The following SPOCK3 variants were observed in gnomAD, a reference collection of about 807,000 sequenced individuals.
The protein encoded by SPOCK3 is SPARC (osteonectin), cwcv and kazal like domains proteoglycan 3, also known as testican-3.
A neutral mutation model predicts 56.6 loss-of-function variants in SPOCK3; 30 were observed. The observed-to-expected ratio is 0.53, with a 90% CI of 0.40 to 0.72. SPOCK3 has a LOEUF of 0.72. Among genes scored for constraint, SPOCK3 ranks in the 30% least tolerant of loss-of-function variants. SPOCK3 has a pLI of 0.00. For missense variants in SPOCK3, 527 were observed against 530.0 expected (o/e 0.99, Z 0.06); for synonymous variants, 196 against 183.3 (o/e 1.07, Z -0.56).
chr4:167,139,236 C>T (rs1763343591), intron 2 of SPOCK3, among the ~76,000 whole-genome samples: 2 of 151,974 alleles, frequency 1.3e-5, no homozygotes, highest in South Asian at 4.1e-4. Flanking sequence ...TGATATATAA[C>T]TGCATCAAGC....
intron 4 of SPOCK3, 93 bp downstream of exon 4, chr4:167,000,256 A>C (rs567034827): frequency 1.7e-6 from 1 of 574,198 alleles, no homozygotes; most frequent in South Asian, 2.9e-5. Flanking sequence ...TCTGCATAAA[A>C]GATTAGCAGG....
intron 6 of SPOCK3, among the ~76,000 whole-genome samples, chr4:166,850,607 C>T (rs949166083): frequency 3.9e-5 from 6 of 152,312 alleles, no homozygotes; most frequent in African/African-American, 9.6e-5. Flanking sequence ...TCACTGGGTG[C>T]GTGCACCGTG....
intron 6 of SPOCK3, among the ~76,000 whole-genome samples, chr4:166,854,931 G>A (rs953254332): frequency 2.0e-5 from 3 of 152,086 alleles, no homozygotes; most frequent in Non-Finnish European, 4.4e-5. Context: ...ACTCCAAACC[G>A]TAATGCATTG....
intron 4 of SPOCK3, among the ~76,000 whole-genome samples, chr4:166,966,315 C>A (rs1398796818): frequency 6.6e-6 from 1 of 151,660 alleles, no homozygotes. Flanking sequence ...ATATATGCTC[C>A]AAAAGCCCAA....
chr4:166,824,289 A>T (rs1579329759), intron 6 of SPOCK3, among the ~76,000 whole-genome samples: 4 of 152,218 alleles, frequency 2.6e-5, no homozygotes, highest in Admixed American at 2.6e-4. Context: ...CATCCAATAG[A>T]TTATCCCACT....
chr4:167,183,367 C>T (rs1276985335), intron 2 of SPOCK3, among the ~76,000 whole-genome samples: 1 of 151,732 alleles, frequency 6.6e-6, no homozygotes, highest in Non-Finnish European at 1.5e-5. Context: ...AGATTTTTTT[C>T]ATAAGTCAGA....
intron 7 of SPOCK3, among the ~76,000 whole-genome samples, chr4:166,770,239 C>T (rs1344860286): frequency 6.6e-6 from 1 of 152,106 alleles, no homozygotes; most frequent in Non-Finnish European, 1.5e-5. Context: ...CCGGGTACCT[C>T]AGTTGGAAAT....
At chr4:166,845,961 G>T (rs1290783302) in intron 6 of SPOCK3, among the ~76,000 whole-genome samples, 1 of 152,102 alleles carries the variant, frequency 6.6e-6, no homozygotes, top group Admixed American at 6.6e-5. Flanking sequence ...CTACGAACTT[G>T]CACAGCAAGT....
At chr4:167,165,388 G>C (rs1336328838) in intron 2 of SPOCK3, among the ~76,000 whole-genome samples, 1 of 152,002 alleles carries the variant, frequency 6.6e-6, no homozygotes, top group Non-Finnish European at 1.5e-5. Flanking sequence ...CCATCAAAAA[G>C]TGGGCAAAGG....
chr4:167,158,314 C>T (rs1764984790), intron 2 of SPOCK3, among the ~76,000 whole-genome samples: 1 of 151,788 alleles, frequency 6.6e-6, no homozygotes, highest in African/African-American at 2.4e-5. Flanking sequence ...ATGGTCTCTG[C>T]TGCGGTTTTA....
chr4:167,085,347 C>T (rs1384118485), intron 2 of SPOCK3, among the ~76,000 whole-genome samples: 1 of 152,008 alleles, frequency 6.6e-6, no homozygotes, highest in East Asian at 1.9e-4. Context: ...TTGGACTGAT[C>T]TCTGGCAGGT....
chr4:166,770,942 C>T (rs1738855261), intron 7 of SPOCK3, among the ~76,000 whole-genome samples: 1 of 151,424 alleles, frequency 6.6e-6, no homozygotes, highest in Non-Finnish European at 1.5e-5. Flanking sequence ...CAGGTTAGAA[C>T]TTCAGTTTCC....
In SPOCK3 at chr4:167,095,937, A is replaced by G. The variant is rs375289856; in HGVS notation, c.190-33400T>C. 3.4e-3 allele frequency among the ~76,000 whole-genome samples: 513 copies of G among 152,070 alleles called. 5 individuals carry two copies. Among genetic ancestry groups the G allele is most frequent in the African/African-American group, 0.012 (495 of 41,572 alleles). ...AACACAGCATACAAGGATAATATAC[A>G]AATGTTACTGGCTTTCTTGTATACT... On this transcript the variant is annotated intron_variant, in intron 2 of 10. Coordinates refer to ENST00000357545, the MANE Select transcript of SPOCK3 (RefSeq NM_001040159.2).
chr4:166,747,066 C>A (rs960281815), intron 8 of SPOCK3, among the ~76,000 whole-genome samples: 3 of 123,008 alleles, frequency 2.4e-5, no homozygotes, highest in Non-Finnish European at 5.2e-5. Context: ...CAAGGAGGAG[C>A]TGGTACCATT....
At chr4:167,157,453 A>C (rs904269182) in intron 2 of SPOCK3, among the ~76,000 whole-genome samples, 3 of 151,970 alleles carry the variant, frequency 2.0e-5, no homozygotes, top group Non-Finnish European at 4.4e-5. Flanking sequence ...CTATATATAA[A>C]ATTTTTAAAT....
At chr4:166,812,468 T>C (rs1743937715) in intron 6 of SPOCK3, among the ~76,000 whole-genome samples, 3 of 151,890 alleles carry the variant, frequency 2.0e-5, no homozygotes, top group Non-Finnish European at 2.9e-5. Context: ...AAGTGGTACA[T>C]GTGATTCCTC....
chr4:166,747,044 C>T (rs1291510495), intron 8 of SPOCK3, among the ~76,000 whole-genome samples: 1 of 151,764 alleles, frequency 6.6e-6, no homozygotes, highest in Non-Finnish European at 1.5e-5. Context: ...CAGCCAAATT[C>T]TACCAGATGT....
intron 2 of SPOCK3, among the ~76,000 whole-genome samples, chr4:167,184,581 G>A (rs906737328): frequency 2.6e-5 from 4 of 152,140 alleles, no homozygotes; most frequent in Admixed American, 6.5e-5. Context: ...TTATAGGTTA[G>A]AGAAGTAAGG....
intron 5 of SPOCK3, among the ~76,000 whole-genome samples, chr4:166,908,909 A>G (rs1736936168): frequency 6.6e-6 from 1 of 152,164 alleles, no homozygotes; most frequent in South Asian, 2.1e-4. Flanking sequence ...TTTTGTGTCA[A>G]TTTCAAGAAT....
Sources: gnomAD v4.1 joint callset for allele counts (sites outside exome capture counted in the v4.1 genomes callset) on GRCh38, gnomAD v4.1.1 for gene constraint, MANE v1.5 for transcripts, NCBI Gene and HGNC (gene_info 2026-07-23, HGNC 2026-07-21) for gene names.